KLC1: variants seen among roughly 807,000 people sequenced by gnomAD.
The protein encoded by KLC1 is kinesin 2 60/70kDa.
KLC1 carries 30 observed loss-of-function variants against 84.2 expected under a neutral mutation model. The observed-to-expected ratio is 0.36, with a 90% CI of 0.27 to 0.48. KLC1 has a LOEUF of 0.48. Among genes scored for constraint, KLC1 ranks in the 20% least tolerant of loss-of-function variants. The probability of loss-of-function intolerance (pLI) is 0.99; values close to 1 mark genes in which losing one functional copy is unlikely to be tolerated. For missense variants in KLC1, 499 were observed against 805.4 expected (o/e 0.62, Z 4.60); for synonymous variants, 289 against 293.3 (o/e 0.99, Z 0.15).
At chr14:103,690,894 TTA>T (rs1193983904) in intron 14 of KLC1, among the ~76,000 whole-genome samples, 3 of 152,338 alleles carry the variant, frequency 2.0e-5, no homozygotes, top group African/African-American at 4.8e-5. Flanking sequence ...AACCATGACT[TTA>T]TGTTACATTT....
chr14:103,692,785 A>G (rs1202786955), intron 15 of KLC1, among the ~76,000 whole-genome samples: 2 of 152,232 alleles, frequency 1.3e-5, no homozygotes, highest in East Asian at 3.8e-4. Flanking sequence ...GTTTATAACT[A>G]TTAATAATTA....
chr14:103,661,880 C>G (rs1032078046), intron 3 of KLC1, among the ~76,000 whole-genome samples: 22 of 152,078 alleles, frequency 1.4e-4, no homozygotes, highest in Admixed American at 1.3e-4. Flanking sequence ...CAGCCATGGC[C>G]CATTTCGTCA....
chr14:103,648,703 A>T (rs913770063), intron 1 of KLC1, among the ~76,000 whole-genome samples: 11 of 152,212 alleles, frequency 7.2e-5, no homozygotes, highest in African/African-American at 2.7e-4. Context: ...TGGGAGACTG[A>T]GGTGGGAGGA....
At chr14:103,687,282 C>T in intron 14 of KLC1, 71 bp downstream of exon 14, 1 of 1,410,720 alleles carries the variant, frequency 7.1e-7, no homozygotes, top group Non-Finnish European at 9.6e-7. Flanking sequence ...CCTAGCGCAG[C>T]CTTCCTCACC....
chr14:103,655,993 G>A (rs115992835), intron 2 of KLC1, among the ~76,000 whole-genome samples: 98 of 152,276 alleles, frequency 6.4e-4, no homozygotes, highest in African/African-American at 2.0e-3. Flanking sequence ...TCTCCTGGAC[G>A]GGTTCTGTAG....
At chr14:103,648,161 G>A (rs1399687974) in intron 1 of KLC1, among the ~76,000 whole-genome samples, 1 of 152,042 alleles carries the variant, frequency 6.6e-6, no homozygotes, top group Admixed American at 6.6e-5. Flanking sequence ...ATGTTGGCCA[G>A]GATGGTCTCA....
chr14:103,664,156 T>C (rs2079545391), intron 5 of KLC1, among the ~76,000 whole-genome samples: 1 of 152,120 alleles, frequency 6.6e-6, no homozygotes, highest in South Asian at 2.1e-4. Flanking sequence ...CATATTTTCT[T>C]TTTTCTTTTT....
chr14:103,698,525 C>T (rs189909594), intron 15 of KLC1: 6 of 513,350 alleles, frequency 1.2e-5, no homozygotes, highest in African/African-American at 1.2e-4. Flanking sequence ...CTGAGAATCA[C>T]CTCTCCCCAA....
chr14:103,641,683 G>A (rs374905122), intron 1 of KLC1, among the ~76,000 whole-genome samples: 11 of 152,038 alleles, frequency 7.2e-5, no homozygotes, highest in East Asian at 3.9e-4. Context: ...TGCAGCCTCC[G>A]CCTCCTGGGT....
At position 103,662,707 on chromosome 14, in the gene KLC1, C is replaced by CA; in HGVS notation, c.578dup (p.Gln194AlafsTer77). 1 of 1,580,100 alleles carries CA rather than the reference C, an allele frequency of 6.3e-7. No homozygotes were observed. Among genetic ancestry groups the CA allele is most frequent in the Non-Finnish European group, 8.6e-7 (1 of 1,164,000 alleles). The stretch of plus-strand genomic sequence containing the variant: ...AGTGAACTTTCTCGGTGCAGTCCAG[C>CA]AGCAGCACAGCAGTGCAGCCGCGGC... On this transcript the variant is annotated frameshift_variant, in exon 5 of 17. Transcript: ENST00000334553. LOFTEE classifies it high-confidence loss of function.
At chr14:103,700,801 G>C (rs1400747563) in intron 16 of KLC1, 74 bp downstream of exon 16, 4 of 1,228,982 alleles carry the variant, frequency 3.3e-6, no homozygotes, top group Non-Finnish European at 3.4e-6. Flanking sequence ...GCAGGGACTG[G>C]GGGGAGCTGG....
In KLC1 at chr14:103,694,012, A is replaced by G; in HGVS notation, c.1848+1587A>G. On this transcript the variant is annotated intron_variant, in intron 15 of 16. Transcript: ENST00000334553. The surrounding 1 kb of genome is among the most constrained non-coding windows in gnomAD (Gnocchi z 4.5). Reference sequence around the variant, plus strand: ...TATTGTAATAAGGCTGTAAATTAAGAATCTGGAAACATAAAGTACCCCTTT... The same window carrying G: ...TATTGTAATAAGGCTGTAAATTAAGGATCTGGAAACATAAAGTACCCCTTT... The G allele has an allele frequency of 1.9e-6, 2 of 1,027,462 alleles. No homozygotes were observed. Among genetic ancestry groups the G allele is most frequent in the Non-Finnish European group, 2.3e-6 (2 of 857,102 alleles). The allele number at this position is 1,027,462 out of a possible 1,614,324, so 63.6% of individuals were successfully genotyped here. A position where few individuals can be genotyped will look rare whatever the true frequency, so the allele number is the denominator to read the frequency against.
chr14:103,700,083 C>A (rs1184143598), intron 15 of KLC1: 1 of 226,196 alleles, frequency 4.4e-6, no homozygotes, highest in Non-Finnish European at 8.9e-6. Context: ...GGGCCTGATG[C>A]CCTTCAGGCG....
At chr14:103,670,021 C>A (rs945591671) in intron 6 of KLC1, among the ~76,000 whole-genome samples, 161 bp from the exon 7 acceptor site, 2 of 152,094 alleles carry the variant, frequency 1.3e-5, no homozygotes, top group Non-Finnish European at 2.9e-5. Flanking sequence ...ATAATCTATA[C>A]TCTAGTGAAT....
chr14:103,657,427 CT>C, intron 2 of KLC1, 118 bp from the exon 3 acceptor site: 8 of 706,116 alleles, frequency 1.1e-5, no homozygotes, highest in Non-Finnish European at 9.7e-6. Context: ...CTTATATGTA[CT>C]TTGGAGAAAA....
intron 2 of KLC1, among the ~76,000 whole-genome samples, chr14:103,657,151 CTG>C (rs1413006169): frequency 1.3e-5 from 2 of 152,118 alleles, no homozygotes; most frequent in African/African-American, 4.8e-5. Flanking sequence ...AACATGCACT[CTG>C]TGCGCAGACA....
chr14:103,645,675 G>GTA lies in KLC1; in HGVS notation c.-1-8889_-1-8888insTA, dbSNP rs2077861798. Among the ~76,000 whole-genome samples the GTA allele has an allele frequency of 7.2e-5, 11 of 152,106 alleles. No homozygotes were observed. In the South Asian group the frequency reaches 2.3e-3, roughly 32 times the overall value. On this transcript the variant is annotated intron_variant, in intron 1 of 16. Coordinates refer to ENST00000334553, the MANE Select transcript of KLC1 (RefSeq NM_001394837.1). The stretch of plus-strand genomic sequence containing the variant: ...AAAAACCCATACAGTATGTGGCTGT[G>GTA]GTAGGCAGCTGTAACAGTGGTAAAT...
chr14:103,654,556 C>A lies in KLC1; in HGVS notation c.-1-8C>A. 2 of 1,561,718 alleles carry A rather than the reference C, an allele frequency of 1.3e-6. No homozygotes were observed. The highest frequency in any genetic ancestry group is 1.2e-5 in the South Asian group (1 of 83,286). On this transcript the variant is annotated splice_region_variant and splice_polypyrimidine_tract_variant and intron_variant, in intron 1 of 16. Coordinates refer to ENST00000334553, the MANE Select transcript of KLC1 (RefSeq NM_001394837.1). ...GGGATCTAATTTCTTTTTCTTTTTT[C>A]ATTCCAGAATGTATGACAACATGTC...
rs573242036 is a variant in KLC1 at position 103,695,206 on chromosome 14, A to G, written c.1848+2781A>G. The G allele has an allele frequency of 9.8e-4, 801 of 815,262 alleles. 2 individuals carry two copies. Among genetic ancestry groups the G allele is most frequent in the Non-Finnish European group, 1.1e-3 (772 of 675,928 alleles). The allele number at this position is 815,262 out of a possible 1,614,324, so 50.5% of individuals were successfully genotyped here. ...TGCGGTGGTTCATGCCAGTAATCCT[A>G]TAATCTTAGCACTTTGGGAGGCTGA... On this transcript the variant is annotated intron_variant, in intron 15 of 16. Coordinates refer to ENST00000334553, the MANE Select transcript of KLC1 (RefSeq NM_001394837.1).
Sources: allele counts gnomAD v4.1 joint callset (sites outside exome capture counted in the v4.1 genomes callset), GRCh38; gene constraint gnomAD v4.1.1; non-coding constraint Gnocchi (gnomAD v3.1); transcripts MANE v1.5; gene names NCBI Gene and HGNC (gene_info 2026-07-23, HGNC 2026-07-21).